PRELID2: variants seen among roughly 807,000 people sequenced by gnomAD.
PRELID2 encodes PRELI domain containing 2, also known as PRELI domain-containing protein 2.
A neutral mutation model predicts 28.4 loss-of-function variants in PRELID2; 25 were observed. That is an observed-to-expected ratio of 0.88 (90% CI 0.64 to 1.23). The LOEUF (loss-of-function observed/expected upper bound fraction) is 1.23, where lower values mean the gene tolerates loss of function less well. Among genes scored for constraint, PRELID2 ranks in the 50% most tolerant of loss-of-function variants. PRELID2 has a pLI of 0.00. For synonymous variants in PRELID2, 76 were observed against 71.6 expected (o/e 1.06, Z -0.31); for missense variants, 201 against 214.4 (o/e 0.94, Z 0.39).
At chr5:145,456,849 T>C in the PRELID2 span, among the ~76,000 whole-genome samples, 16 of 152,228 alleles carry the variant, frequency 1.1e-4, no homozygotes, top group African/African-American at 3.6e-4. Flanking sequence ...CTTAATACTA[T>C]GCATCAAGTA....
intron 1 of PRELID2, among the ~76,000 whole-genome samples, chr5:145,626,582 G>A (rs1161105420): frequency 6.6e-6 from 1 of 151,982 alleles, no homozygotes; most frequent in Non-Finnish European, 1.5e-5. Flanking sequence ...GGGAATGTCA[G>A]TTAACACAAC....
the PRELID2 span, among the ~76,000 whole-genome samples, chr5:145,298,444 CCT>C: frequency 2.0e-5 from 3 of 152,122 alleles, no homozygotes; most frequent in Non-Finnish European, 4.4e-5. Flanking sequence ...TGGATCCCTT[CCT>C]TACACCTTAT....
At chr5:145,429,074 G>A in the PRELID2 span, among the ~76,000 whole-genome samples, 1 of 152,122 alleles carries the variant, frequency 6.6e-6, no homozygotes, top group Non-Finnish European at 1.5e-5. Flanking sequence ...TTAAGCAGAG[G>A]GTGACATTAA....
At chr5:145,522,643 A>G (rs1399048078) in intron 1 of PRELID2, among the ~76,000 whole-genome samples, 2 of 152,210 alleles carry the variant, frequency 1.3e-5, no homozygotes, top group African/African-American at 4.8e-5. Flanking sequence ...AGACTTCACA[A>G]AGACTTTCAT....
intron 1 of PRELID2, among the ~76,000 whole-genome samples, chr5:145,833,311 C>T (rs1038465512): frequency 4.8e-4 from 73 of 152,098 alleles, no homozygotes; most frequent in African/African-American, 1.5e-3. Flanking sequence ...AGACAGAGTG[C>T]CCTGTGAGTT....
the PRELID2 span, among the ~76,000 whole-genome samples, chr5:145,243,698 A>G: frequency 6.7e-6 from 1 of 150,356 alleles, no homozygotes; most frequent in Non-Finnish European, 1.5e-5. Flanking sequence ...AAATTGGCTT[A>G]TTTCACTTGG....
At chr5:145,457,089 T>A in the PRELID2 span, among the ~76,000 whole-genome samples, 253 of 152,266 alleles carry the variant, frequency 1.7e-3, 2 homozygotes, top group African/African-American at 5.8e-3. Flanking sequence ...CAAAGCTTTT[T>A]TGGAAATGGG....
At chr5:145,607,553 T>G (rs528426344) in intron 1 of PRELID2, among the ~76,000 whole-genome samples, 94 of 152,294 alleles carry the variant, frequency 6.2e-4, no homozygotes, top group African/African-American at 2.2e-3. Flanking sequence ...ATTATATGGT[T>G]TTGGGAATTT....
chr5:145,561,271 C>T (rs571548954), intron 1 of PRELID2, among the ~76,000 whole-genome samples: 48 of 152,184 alleles, frequency 3.2e-4, no homozygotes, highest in African/African-American at 5.1e-4. Context: ...ATAACTAAGG[C>T]GAAAGTTGGG....
the PRELID2 span, among the ~76,000 whole-genome samples, chr5:145,407,166 G>A: frequency 6.6e-6 from 1 of 152,216 alleles, no homozygotes. Flanking sequence ...GGAAGGGTGA[G>A]TTCTGAAGAG....
chr5:145,273,333 G>A, the PRELID2 span, among the ~76,000 whole-genome samples: 1 of 151,888 alleles, frequency 6.6e-6, no homozygotes, highest in South Asian at 2.1e-4. Flanking sequence ...CCTGCTTTTC[G>A]GGTCTTAAGC....
chr5:145,624,450 G>A (rs1048714785), intron 1 of PRELID2, among the ~76,000 whole-genome samples: 2 of 152,080 alleles, frequency 1.3e-5, no homozygotes, highest in African/African-American at 4.8e-5. Context: ...CAGTCATCTT[G>A]TTTGCATACA....
At chr5:145,697,035 A>G (rs10063991) in intron 1 of PRELID2, among the ~76,000 whole-genome samples, 1 of 7,084 alleles carries the variant, frequency 1.4e-4, no homozygotes, top group Non-Finnish European at 2.8e-4. Context: ...GAGGAAAATT[A>G]TATATATATA....
chr5:145,660,990 T>C (rs1003792497), intron 1 of PRELID2, among the ~76,000 whole-genome samples: 1 of 152,210 alleles, frequency 6.6e-6, no homozygotes, highest in Non-Finnish European at 1.5e-5. Context: ...ACCAAAACTT[T>C]GTTTTAAAAA....
At chr5:145,776,401 A>G (rs1473041342) in intron 5 of PRELID2, among the ~76,000 whole-genome samples, 1 of 152,190 alleles carries the variant, frequency 6.6e-6, no homozygotes, top group South Asian at 2.1e-4. Flanking sequence ...GACAATTCAG[A>G]TATGTTGAAG....
At chr5:145,498,789 G>A (rs1003636426) in intron 1 of PRELID2, among the ~76,000 whole-genome samples, 3 of 151,724 alleles carry the variant, frequency 2.0e-5, no homozygotes, top group African/African-American at 7.3e-5. Context: ...CAAGTGATCT[G>A]CTGGTCTCAA....
In PRELID2 at chr5:145,476,969, GA is replaced by G. The variant is rs376179840; in HGVS notation, n.71-3655del. Among the ~76,000 whole-genome samples the G allele has an allele frequency of 2.7e-3, 404 of 152,214 alleles. 1 individual carries two copies. The highest frequency in any genetic ancestry group is 9.2e-3 in the African/African-American group (384 of 41,542). ...CGTTAATAATTAATAGTAGCTCATAGAAAAAACATATTTTTCAGGCATTAGA... is the reference window on the plus strand; with the variant it reads ...CGTTAATAATTAATAGTAGCTCATAGAAAAACATATTTTTCAGGCATTAGA... On this transcript the variant is annotated intron_variant and non_coding_transcript_variant, in intron 1 of 2. Coordinates refer to the PRELID2 transcript ENST00000510259.
chr5:145,711,939 A>C (rs1755707108), intron 1 of PRELID2, among the ~76,000 whole-genome samples: 1 of 152,250 alleles, frequency 6.6e-6, no homozygotes, highest in South Asian at 2.1e-4. Context: ...CCAGTGGTTC[A>C]GAACGCTGGT....
At chr5:145,388,902 A>G in the PRELID2 span, among the ~76,000 whole-genome samples, 5 of 152,246 alleles carry the variant, frequency 3.3e-5, no homozygotes, top group South Asian at 2.1e-4. Context: ...TTTAGGACTT[A>G]CTACCTGAAA....
Sources: gnomAD v4.1 joint callset for allele counts (sites outside exome capture counted in the v4.1 genomes callset) on GRCh38, gnomAD v4.1.1 for gene constraint, MANE v1.5 for transcripts, NCBI Gene and HGNC (gene_info 2026-07-23, HGNC 2026-07-21) for gene names.